FBXL2: variants seen among roughly 807,000 people sequenced by gnomAD.
The protein encoded by FBXL2 is F-box and leucine rich repeat protein 2, also known as F-box/LRR-repeat protein 2.
A neutral mutation model predicts 69.2 loss-of-function variants in FBXL2; 38 were observed. That is an observed-to-expected ratio of 0.55 (90% CI 0.42 to 0.72). The LOEUF is 0.72. Ranked by LOEUF, FBXL2 falls within the 30% of genes least tolerant of loss-of-function variation. FBXL2 has a pLI of 0.00. For missense variants in FBXL2, 354 were observed against 520.3 expected, an observed-to-expected ratio of 0.68 and a Z score of 3.11; for synonymous variants, 192 against 201.3, an observed-to-expected ratio of 0.95 and a Z score of 0.39.
At chr3:33,409,504 T>A in the FBXL2 span, 35 of 1,613,990 alleles carry the variant, frequency 2.2e-5, no homozygotes, top group Non-Finnish European at 2.9e-5. Context: ...GTATTCTCCA[T>A]TTTCATTCTG....
downstream of FBXL2, chr3:33,392,366 T>C (rs2043803475): frequency 1.4e-5 from 7 of 482,990 alleles, no homozygotes; most frequent in Non-Finnish European, 2.5e-5. Flanking sequence ...TTTTTTCCAG[T>C]CATCTAGAAA....
At chr3:33,402,824 C>T in intron 12 of FBXL2, 1 of 1,597,510 alleles carries the variant, frequency 6.3e-7, no homozygotes, top group Non-Finnish European at 8.5e-7. Context: ...TGCAAGTGCT[C>T]TGCTGTGGGG....
chr3:33,279,589 A>G (rs535432186), intron 1 of FBXL2, among the ~76,000 whole-genome samples: 1 of 152,280 alleles, frequency 6.6e-6, no homozygotes, highest in Non-Finnish European at 1.5e-5. Flanking sequence ...TCTAAATCAC[A>G]TTACACTTCC....
intron 12 of FBXL2, chr3:33,396,175 A>G: frequency 6.3e-7 from 1 of 1,581,604 alleles, no homozygotes. Flanking sequence ...AGGGTGCCCC[A>G]CTGCCATTCT....
intron 1 of FBXL2, among the ~76,000 whole-genome samples, chr3:33,292,686 A>G (rs1022215544): frequency 5.3e-5 from 8 of 152,158 alleles, no homozygotes; most frequent in African/African-American, 1.9e-4. Flanking sequence ...TATAAGTACA[A>G]AAGGATTAAA....
At chr3:33,305,529 C>T (rs1178293836) in intron 2 of FBXL2, among the ~76,000 whole-genome samples, 1 of 151,772 alleles carries the variant, frequency 6.6e-6, no homozygotes, top group African/African-American at 2.4e-5. Flanking sequence ...CTCATACTAT[C>T]TTTATCTGAT....
chr3:33,299,112 G>A (rs1011794225), intron 2 of FBXL2, among the ~76,000 whole-genome samples: 3 of 151,760 alleles, frequency 2.0e-5, no homozygotes, highest in Admixed American at 6.6e-5. Context: ...CATGATCTCG[G>A]CTCACCGCAT....
Position 33,385,815 on chromosome 3 carries a change from G to C in FBXL2, c.*207G>C, listed in dbSNP as rs867963569. 12 of 577,902 alleles carry C rather than the reference G, an allele frequency of 2.1e-5. No individual in the cohort carries two copies. Among genetic ancestry groups the C allele is most frequent in the Middle Eastern group, 4.7e-4 (1 of 2,142 alleles). The allele number at this position is 577,902 out of a possible 1,614,324, so 35.8% of individuals were successfully genotyped here. ...TGAAACAATCAAATCAAAGCCTTGT[G>C]TCAGTTAACACATGACAAGTGGTCT... On this transcript the variant is annotated 3_prime_UTR_variant, in exon 15 of 15. Transcript: ENST00000484457.
chr3:33,280,940 T>C lies in FBXL2; in HGVS notation c.3+3425T>C, dbSNP rs1454398773. Among the ~76,000 whole-genome samples, 6 of 152,280 alleles carry C rather than the reference T, an allele frequency of 3.9e-5. No homozygotes were observed. In the East Asian group the frequency reaches 1.2e-3, roughly 29 times the overall value. ...TTCGACTTTCCTATTTTGACACTTCTCTCTCTGTATTTGTGGTCAAGACTT... is the reference window on the plus strand; with the variant it reads ...TTCGACTTTCCTATTTTGACACTTCCCTCTCTGTATTTGTGGTCAAGACTT... On this transcript the variant is annotated intron_variant, in intron 1 of 14. Coordinates refer to ENST00000484457, the MANE Select transcript of FBXL2 (RefSeq NM_012157.5).
intron 2 of FBXL2, among the ~76,000 whole-genome samples, chr3:33,355,132 G>A (rs780264352): frequency 2.0e-5 from 3 of 152,044 alleles, no homozygotes; most frequent in African/African-American, 4.8e-5. Flanking sequence ...GTTTCACCAT[G>A]TTGCCCATGC....
chr3:33,410,317 T>A, the FBXL2 span, among the ~76,000 whole-genome samples: 1 of 152,220 alleles, frequency 6.6e-6, no homozygotes, highest in Non-Finnish European at 1.5e-5. Flanking sequence ...CCTCTTCTAA[T>A]GACTCACTAT....
At chr3:33,384,263 A>G in intron 14 of FBXL2, 62 bp downstream of exon 14, 1 of 1,536,432 alleles carries the variant, frequency 6.5e-7, no homozygotes, top group Non-Finnish European at 8.9e-7. Flanking sequence ...GGAAAACATC[A>G]AGAATCAGAC....
intron 2 of FBXL2, among the ~76,000 whole-genome samples, chr3:33,343,653 A>T (rs937839036): frequency 6.6e-6 from 1 of 152,116 alleles, no homozygotes; most frequent in African/African-American, 2.4e-5. Context: ...AATTATATTC[A>T]ATCTTTAGTA....
chr3:33,412,812 C>T, the FBXL2 span: 36 of 1,613,376 alleles, frequency 2.2e-5, no homozygotes, highest in Non-Finnish European at 3.0e-5. Context: ...TCATGGAATA[C>T]AACCCTTATG....
intron 12 of FBXL2, among the ~76,000 whole-genome samples, chr3:33,398,857 C>T (rs1016038689): frequency 1.3e-5 from 2 of 152,180 alleles, no homozygotes; most frequent in African/African-American, 4.8e-5. Flanking sequence ...AAGACAAACC[C>T]CAGCTCCCCG....
rs2033945199 is a variant in FBXL2 at position 33,281,067 on chromosome 3, T to C, written c.3+3552T>C. Among the ~76,000 whole-genome samples the C allele has an allele frequency of 2.0e-5, 3 of 152,198 alleles. No individual in the cohort carries two copies. The South Asian group carries it at 6.2e-4, about 32-fold the overall frequency. ...TTTTAATTTTTAAATTTTTTAATTA[T>C]ACTTTAAGTTCTAGGGTACATGTGC... On this transcript the variant is annotated intron_variant, in intron 1 of 14. Coordinates refer to ENST00000484457, the MANE Select transcript of FBXL2 (RefSeq NM_012157.5).
At chr3:33,299,334 G>A (rs940573457) in intron 2 of FBXL2, among the ~76,000 whole-genome samples, 2 of 152,108 alleles carry the variant, frequency 1.3e-5, no homozygotes, top group Admixed American at 1.3e-4. Flanking sequence ...GAGCCACTGC[G>A]CCCGGCCGGA....
intron 9 of FBXL2, among the ~76,000 whole-genome samples, 198 bp downstream of exon 9, chr3:33,374,119 A>G (rs556666342): frequency 9.8e-5 from 15 of 152,310 alleles, no homozygotes; most frequent in Non-Finnish European, 2.2e-4. Context: ...AATCATACTC[A>G]ATATAAAGCC....
the FBXL2 span, among the ~76,000 whole-genome samples, chr3:33,417,009 T>A: frequency 3.9e-5 from 6 of 152,244 alleles, no homozygotes; most frequent in Non-Finnish European, 8.8e-5. Flanking sequence ...ACCAACCTTC[T>A]GTTCTAACAT....
Sources: allele counts gnomAD v4.1 joint callset (sites outside exome capture counted in the v4.1 genomes callset), GRCh38; gene constraint gnomAD v4.1.1; transcripts MANE v1.5; gene names NCBI Gene and HGNC (gene_info 2026-07-23, HGNC 2026-07-21).